The following OR10J1 variants were observed in gnomAD, a reference collection of about 807,000 sequenced individuals.
OR10J1 encodes olfactory receptor 10J1.
For synonymous variants in OR10J1, 202 were observed against 143.8 expected, an observed-to-expected ratio of 1.40 and a Z score of -2.89; for missense variants, 474 against 376.6, an observed-to-expected ratio of 1.26 and a Z score of -2.14.
rs1244591537 is a variant in OR10J1, at chr1:159,440,514, A to T, written c.723A>T (p.Ala241=). ...GGAAGAAGGCTTTTGCCACCTGTGC[A>T]TCCCACCTCACTGTGGTCATTGTCC... The part of the protein sequence containing the change: ...EGRKKAFATC[A]SHLTVVIVHY... Residue 241 remains alanine, a synonymous_variant, in exon 1 of 1, where the codon GCA becomes GCT. Transcript: ENST00000423932. 27 of 1,613,990 alleles carry T rather than the reference A, an allele frequency of 1.7e-5. No homozygotes were observed. The highest frequency in any genetic ancestry group is 2.1e-5 in the Non-Finnish European group (25 of 1,180,016).
the OR10J1 span, among the ~76,000 whole-genome samples, chr1:159,428,628 G>A: frequency 4.6e-5 from 7 of 152,164 alleles, no homozygotes; most frequent in East Asian, 1.9e-4. Flanking sequence ...CAGTCCTAAC[G>A]AAGTTATGCA....
the OR10J1 span, chr1:159,432,473 A>G: frequency 2.4e-6 from 1 of 417,424 alleles, no homozygotes; most frequent in Non-Finnish European, 4.3e-6. Context: ...TCAGTCCTCA[A>G]CAAACCATCT....
chr1:159,425,082 G>A, the OR10J1 span, among the ~76,000 whole-genome samples: 1 of 152,102 alleles, frequency 6.6e-6, no homozygotes, highest in Non-Finnish European at 1.5e-5. Context: ...CTTCAAAATT[G>A]TGATATAAAA....
the OR10J1 span, among the ~76,000 whole-genome samples, chr1:159,400,926 G>A: frequency 3.3e-5 from 5 of 151,818 alleles, no homozygotes; most frequent in Non-Finnish European, 5.9e-5. Flanking sequence ...CATCTTCTCT[G>A]GCCAAAAGGG....
the OR10J1 span, among the ~76,000 whole-genome samples, chr1:159,419,350 G>A: frequency 2.0e-5 from 3 of 152,150 alleles, no homozygotes; most frequent in Admixed American, 6.5e-5. Flanking sequence ...AATCATGGGG[G>A]TGGGTCTTTC....
chr1:159,431,462 C>T, the OR10J1 span, among the ~76,000 whole-genome samples: 5 of 152,188 alleles, frequency 3.3e-5, no homozygotes, highest in African/African-American at 1.2e-4. Flanking sequence ...TGAACTCATT[C>T]ACTCTTTAGG....
the OR10J1 span, among the ~76,000 whole-genome samples, chr1:159,416,727 G>C: frequency 6.6e-6 from 1 of 151,856 alleles, no homozygotes; most frequent in East Asian, 1.9e-4. Flanking sequence ...TTCTTTGTTA[G>C]GAGGCCTGTT....
the OR10J1 span, among the ~76,000 whole-genome samples, chr1:159,426,431 A>G: frequency 6.6e-6 from 1 of 151,916 alleles, no homozygotes; most frequent in East Asian, 1.9e-4. Flanking sequence ...TAAAGTGAAA[A>G]CAACTAAGGA....
the OR10J1 span, among the ~76,000 whole-genome samples, chr1:159,416,079 T>C: frequency 6.6e-6 from 1 of 152,064 alleles, no homozygotes; most frequent in Non-Finnish European, 1.5e-5. Context: ...AAGAGGTTTT[T>C]TTTGGTGGAG....
At chr1:159,426,806 C>A in the OR10J1 span, among the ~76,000 whole-genome samples, 1 of 151,882 alleles carries the variant, frequency 6.6e-6, no homozygotes, top group East Asian at 1.9e-4. Flanking sequence ...AAAGAAGTAG[C>A]CAAACTCTTC....
At chr1:159,425,496 T>C in the OR10J1 span, among the ~76,000 whole-genome samples, 1 of 152,102 alleles carries the variant, frequency 6.6e-6, no homozygotes, top group African/African-American at 2.4e-5. Flanking sequence ...TAACTGTATC[T>C]ATAGAGAAAA....
chr1:159,432,191 C>G, the OR10J1 span: 2 of 400,624 alleles, frequency 5.0e-6, no homozygotes, highest in Non-Finnish European at 4.4e-6. Flanking sequence ...CTTTCAGACT[C>G]AGATTCTCCT....
upstream of OR10J1, among the ~76,000 whole-genome samples, chr1:159,438,921 C>T (rs1655819914): frequency 6.6e-6 from 1 of 152,088 alleles, no homozygotes; most frequent in Non-Finnish European, 1.5e-5. Flanking sequence ...GTGAGGGACA[C>T]TTAAATTTGC....
the OR10J1 span, among the ~76,000 whole-genome samples, chr1:159,431,223 G>A: frequency 4.6e-5 from 7 of 152,116 alleles, no homozygotes; most frequent in Non-Finnish European, 7.4e-5. Flanking sequence ...CTATCCACAC[G>A]GGAGAAAAGG....
At chr1:159,436,583 G>T (rs529119721), upstream of OR10J1, among the ~76,000 whole-genome samples, 2 of 151,388 alleles carry the variant, frequency 1.3e-5, no homozygotes, top group African/African-American at 4.9e-5. Context: ...CCAAATCCCA[G>T]TGCAGGGTAT....
Position 159,440,316 on chromosome 1 carries a change from C to A in OR10J1, c.525C>A (p.His175Gln). ...RLPFCARKVPHFFCDIRPVMK... is the reference protein window; with the variant it reads ...RLPFCARKVPQFFCDIRPVMK... Reference sequence around the variant, plus strand: ...CCTTCTGTGCTAGAAAGGTGCCCCACTTCTTCTGTGACATCCGCCCTGTGA... The same window carrying A: ...CCTTCTGTGCTAGAAAGGTGCCCCAATTCTTCTGTGACATCCGCCCTGTGA... Residue 175 changes from histidine to glutamine, a missense_variant, in exon 1 of 1, where the codon CAC becomes CAA. Physicochemically the swap from His to Gln is conservative, Grantham distance 24 (BLOSUM62 0). Transcript: ENST00000423932. 2 of 1,614,160 alleles carry A rather than the reference C, an allele frequency of 1.2e-6. No individual in the cohort carries two copies. Among genetic ancestry groups the A allele is most frequent in the Non-Finnish European group, 1.7e-6 (2 of 1,180,010 alleles).
chr1:159,406,194 G>C, the OR10J1 span: 5 of 517,570 alleles, frequency 9.7e-6, no homozygotes, highest in Admixed American at 4.0e-5. Flanking sequence ...AGTACATGGG[G>C]GTGTGGAGGT....
chr1:159,427,430 A>T, the OR10J1 span, among the ~76,000 whole-genome samples: 1 of 151,924 alleles, frequency 6.6e-6, no homozygotes, highest in East Asian at 1.9e-4. Flanking sequence ...ACAAAAATCA[A>T]AGAGACACAA....
chr1:159,417,238 C>T, the OR10J1 span, among the ~76,000 whole-genome samples: 1 of 152,010 alleles, frequency 6.6e-6, no homozygotes, highest in Admixed American at 6.6e-5. Context: ...TGCTGTCTCC[C>T]ACAAGTCTTG....
Sources: allele counts gnomAD v4.1 joint callset (sites outside exome capture counted in the v4.1 genomes callset), GRCh38; gene constraint gnomAD v4.1.1; transcripts MANE v1.5; gene names NCBI Gene and HGNC (gene_info 2026-07-23, HGNC 2026-07-21).